The following PALS1 variants were observed in gnomAD, a reference collection of about 807,000 sequenced individuals.
PALS1 encodes protein associated with LIN7 1, MAGUK p55 family member.
In PALS1, 31 loss-of-function variants were observed where a neutral mutation model predicts 78.9. That is an observed-to-expected ratio of 0.39 (90% confidence interval 0.30 to 0.53). The LOEUF is 0.53. Among genes scored for constraint, PALS1 ranks in the 20% least tolerant of loss-of-function variants. PALS1 has a pLI of 0.67. For missense variants in PALS1, 704 were observed against 826.5 expected, an observed-to-expected ratio of 0.85 and a Z score of 1.82; for synonymous variants, 276 against 270.9, an observed-to-expected ratio of 1.02 and a Z score of -0.18.
intron 1 of PALS1, among the ~76,000 whole-genome samples, chr14:67,242,836 G>A (rs1383270252): frequency 6.6e-6 from 1 of 152,186 alleles, no homozygotes; most frequent in Non-Finnish European, 1.5e-5. Flanking sequence ...AGACGGACTT[G>A]AACTTGACAA....
intron 8 of PALS1, chr14:67,303,970 G>A (rs2084965030): frequency 5.3e-6 from 1 of 187,526 alleles, no homozygotes; most frequent in Non-Finnish European, 1.1e-5. Flanking sequence ...GTTTTGCCAT[G>A]TTGGCCAGGC....
intron 1 of PALS1, among the ~76,000 whole-genome samples, chr14:67,242,692 T>C (rs1348810581): frequency 6.6e-6 from 1 of 152,062 alleles, no homozygotes; most frequent in African/African-American, 2.4e-5. Flanking sequence ...GGCTTTCTAT[T>C]TGCGGCAGGA....
At chr14:67,301,539 G>C in intron 5 of PALS1, 73 bp downstream of exon 5, 1 of 985,262 alleles carries the variant, frequency 1.0e-6, no homozygotes, top group East Asian at 2.6e-5. Context: ...AAAGACTCCA[G>C]TACTGGAAGA....
At chr14:67,251,145 A>G (rs1318157451) in intron 1 of PALS1, among the ~76,000 whole-genome samples, 1 of 152,202 alleles carries the variant, frequency 6.6e-6, no homozygotes, top group African/African-American at 2.4e-5. Flanking sequence ...CTTTGTCTGT[A>G]ATATAGCCTG....
chr14:67,280,045 T>TG (rs1299567200), intron 3 of PALS1: 2 of 152,146 alleles, frequency 1.3e-5, no homozygotes, highest in Admixed American at 1.3e-4. Context: ...TTCTGTTCTG[T>TG]GGGGGGAAAA....
intron 1 of PALS1, among the ~76,000 whole-genome samples, chr14:67,243,651 C>G (rs1267325093): frequency 1.3e-5 from 2 of 151,742 alleles, no homozygotes; most frequent in Non-Finnish European, 2.9e-5. Context: ...CGCCACCACG[C>G]CTGCTAATTT....
intron 11 of PALS1, among the ~76,000 whole-genome samples, chr14:67,319,364 G>A (rs1423529374): frequency 1.3e-5 from 2 of 152,086 alleles, no homozygotes; most frequent in African/African-American, 4.8e-5. Context: ...CTGGATTATG[G>A]GCTTTAGGAA....
At chr14:67,325,189 G>A (rs953597644) in intron 14 of PALS1, among the ~76,000 whole-genome samples, 4 of 152,136 alleles carry the variant, frequency 2.6e-5, no homozygotes, top group Admixed American at 6.6e-5. Flanking sequence ...ACAGGCGTGA[G>A]CCACCAGGCC....
chr14:67,296,061 A>G (rs1474549089), intron 4 of PALS1, among the ~76,000 whole-genome samples: 1 of 152,150 alleles, frequency 6.6e-6, no homozygotes, highest in African/African-American at 2.4e-5. Flanking sequence ...AAGAGTGCCA[A>G]CAGCACCGAG....
chr14:67,280,666 G>C (rs2084589216), intron 3 of PALS1, among the ~76,000 whole-genome samples: 1 of 152,164 alleles, frequency 6.6e-6, no homozygotes, highest in African/African-American at 2.4e-5. Flanking sequence ...TCCAGCCTGC[G>C]TTTCACTCAC....
At chr14:67,320,727 A>G (rs1468312763) in intron 12 of PALS1, among the ~76,000 whole-genome samples, 1 of 152,188 alleles carries the variant, frequency 6.6e-6, no homozygotes, top group African/African-American at 2.4e-5. Flanking sequence ...CAGAAGTTAT[A>G]AGATTATATG....
chr14:67,298,736 G>A (rs1376133293), intron 4 of PALS1, among the ~76,000 whole-genome samples: 1 of 152,056 alleles, frequency 6.6e-6, no homozygotes. Flanking sequence ...TGACATATAT[G>A]TACATCTGTA....
intron 1 of PALS1, among the ~76,000 whole-genome samples, chr14:67,268,688 G>A (rs2084367794): frequency 1.3e-5 from 2 of 152,222 alleles, no homozygotes. Context: ...TTAGCATATA[G>A]TGAGCAGTGA....
Position 67,243,214 on chromosome 14 carries a change from A to G in PALS1, c.-237+1681A>G, listed in dbSNP as rs186410206. Reference sequence around the variant, plus strand: ...TTTTCTTTTTTTTTTTGTGAGACATAGTCTCGCTCTTGCCCAGGCTGGAGT... The same window carrying G: ...TTTTCTTTTTTTTTTTGTGAGACATGGTCTCGCTCTTGCCCAGGCTGGAGT... On this transcript the variant is annotated intron_variant, in intron 1 of 14. Coordinates refer to ENST00000261681, the MANE Select transcript of PALS1 (RefSeq NM_022474.4). Among the ~76,000 whole-genome samples the G allele has an allele frequency of 1.9e-3, 281 of 151,626 alleles. 4 individuals carry two copies. The highest frequency in any genetic ancestry group is 4.3e-3 in the East Asian group (22 of 5,170).
chr14:67,317,304 A>C (rs1240967420), intron 10 of PALS1, 104 bp from the exon 11 acceptor site: 2 of 1,080,222 alleles, frequency 1.9e-6, no homozygotes, highest in Non-Finnish European at 2.6e-6. Flanking sequence ...TTCTGCAAAA[A>C]AATTTAAAGA....
At chr14:67,310,117 C>T (rs765138505) in intron 8 of PALS1, among the ~76,000 whole-genome samples, 1 of 150,434 alleles carries the variant, frequency 6.6e-6, no homozygotes, top group Non-Finnish European at 1.5e-5. Context: ...GGAGATTTTT[C>T]CTCATGCCAA....
rs771854724 is a variant in PALS1 at position 67,279,249 on chromosome 14, G to A, written c.79G>A (p.Glu27Lys). 3.7e-6 allele frequency: 6 copies of A among 1,613,928 alleles called. No individual in the cohort carries two copies. Among genetic ancestry groups the A allele is most frequent in the Non-Finnish European group, 5.1e-6 (6 of 1,179,962 alleles). ...AAAAAATGTTGATCTTGCATCACCA[G>A]AGGAACATCAGAAGCACCGAGAGAT... is the stretch of plus-strand genomic sequence containing the variant. Reference protein sequence around the residue: ...EVKNVDLASPEEHQKHREMAV... With the variant: ...EVKNVDLASPKEHQKHREMAV... Residue 27 changes from glutamate (E) to lysine (K), a missense_variant, in exon 3 of 15, where the codon GAG (glutamate) becomes AAG (lysine). Physicochemically the swap from Glu to Lys is moderately conservative, Grantham distance 56 (BLOSUM62 1). Coordinates refer to ENST00000261681, the MANE Select transcript of PALS1 (RefSeq NM_022474.4).
At chr14:67,306,314 T>G (rs2085002465) in intron 8 of PALS1, among the ~76,000 whole-genome samples, 1 of 151,894 alleles carries the variant, frequency 6.6e-6, no homozygotes, top group East Asian at 1.9e-4. Flanking sequence ...TAGAGTGATG[T>G]GCAGTATTTT....
chr14:67,288,433 T>C (rs546144170), intron 3 of PALS1, among the ~76,000 whole-genome samples: 1 of 152,246 alleles, frequency 6.6e-6, no homozygotes, highest in Admixed American at 6.5e-5. Context: ...GGCTCACACC[T>C]GTAATCCTAG....
Sources: allele counts gnomAD v4.1 joint callset (sites outside exome capture counted in the v4.1 genomes callset), GRCh38; gene constraint gnomAD v4.1.1; transcripts MANE v1.5; gene names NCBI Gene and HGNC (gene_info 2026-07-23, HGNC 2026-07-21).